The following GNA14 variants were observed in gnomAD, a reference collection of about 807,000 sequenced individuals.
The protein encoded by GNA14 is G protein subunit alpha 14.
GNA14 carries 50 observed loss-of-function variants against 42.0 expected under a neutral mutation model. That is an observed-to-expected ratio of 1.19 (90% CI 0.95 to 1.51). The LOEUF (loss-of-function observed/expected upper bound fraction) is 1.51, where lower values mean the gene tolerates loss of function less well. GNA14 is among the 40% of genes most tolerant of loss of function. The pLI, the probability that GNA14 is intolerant of heterozygous loss-of-function variation, is 0.00. For missense variants in GNA14, 473 were observed against 446.2 expected (o/e 1.06, Z -0.54); for synonymous variants, 173 against 163.1 (o/e 1.06, Z -0.46).
In GNA14 at chr9:77,495,851, C is replaced by T. The variant is rs533853789; in HGVS notation, c.309+33218G>A. Among the ~76,000 whole-genome samples the T allele has an allele frequency of 3.9e-5, 6 of 152,248 alleles. No homozygotes were observed. The South Asian group carries it at 1.2e-3, about 32-fold the overall frequency. ...TTAAAAACAAGTTGTTCTGAGCTAA[C>T]CTAGCCAAACACTAAAGAAAGGCTA... On this transcript the variant is annotated intron_variant, in intron 2 of 6. Transcript: ENST00000341700.
chr9:77,448,268 A>T (rs1254817757), intron 2 of GNA14, among the ~76,000 whole-genome samples: 3 of 152,222 alleles, frequency 2.0e-5, no homozygotes, highest in African/African-American at 7.2e-5. Context: ...TCCCCAACTC[A>T]TGATGGTTTG....
At chr9:77,544,931 G>A (rs2131778224) in intron 1 of GNA14, among the ~76,000 whole-genome samples, 1 of 152,280 alleles carries the variant, frequency 6.6e-6, no homozygotes, top group East Asian at 1.9e-4. Flanking sequence ...AGTATGAGAA[G>A]TAATCTAACA....
intron 1 of GNA14, among the ~76,000 whole-genome samples, chr9:77,622,457 C>A (rs145287534): frequency 6.6e-6 from 1 of 152,216 alleles, no homozygotes; most frequent in East Asian, 1.9e-4. Context: ...AATTGAATCA[C>A]TAAATTAGAT....
chr9:77,559,149 C>A (rs544192206), intron 1 of GNA14, among the ~76,000 whole-genome samples: 1 of 152,188 alleles, frequency 6.6e-6, no homozygotes, highest in East Asian at 1.9e-4. Context: ...TGTGACACCA[C>A]AAATTTCTTA....
chr9:77,601,168 G>C (rs565448994), intron 1 of GNA14, among the ~76,000 whole-genome samples: 2 of 152,114 alleles, frequency 1.3e-5, no homozygotes, highest in Admixed American at 6.5e-5. Context: ...TTGCTGAGAC[G>C]TTTTTTTGTT....
intron 2 of GNA14, among the ~76,000 whole-genome samples, chr9:77,514,854 C>G (rs1837226495): frequency 6.6e-6 from 1 of 152,128 alleles, no homozygotes; most frequent in Non-Finnish European, 1.5e-5. Context: ...TCCTTGTGAT[C>G]CGCCCACCTC....
chr9:77,564,487 A>C (rs1822936157), intron 1 of GNA14, among the ~76,000 whole-genome samples: 2 of 152,070 alleles, frequency 1.3e-5, no homozygotes. Context: ...TTTTAAAAGC[A>C]TTTATTATAC....
chr9:77,601,048 G>A (rs1663112), intron 1 of GNA14, among the ~76,000 whole-genome samples: 1 of 152,088 alleles, frequency 6.6e-6, no homozygotes, highest in African/African-American at 2.4e-5. Context: ...GTGGAGCTAC[G>A]GGAAGTTCGC....
At chr9:77,466,489 T>A (rs888504791) in intron 2 of GNA14, among the ~76,000 whole-genome samples, 2 of 152,232 alleles carry the variant, frequency 1.3e-5, no homozygotes, top group Non-Finnish European at 2.9e-5. Flanking sequence ...ATGTATTCAG[T>A]CATTGTTGTC....
chr9:77,573,598 T>C (rs1823090859), intron 1 of GNA14, among the ~76,000 whole-genome samples: 1 of 152,130 alleles, frequency 6.6e-6, no homozygotes, highest in Non-Finnish European at 1.5e-5. Context: ...CATGATGGTG[T>C]GACAGTGGAA....
chr9:77,602,797 T>G (rs145893799), intron 1 of GNA14, among the ~76,000 whole-genome samples: 26 of 152,338 alleles, frequency 1.7e-4, no homozygotes, highest in African/African-American at 6.3e-4. Flanking sequence ...ATGTGATCTG[T>G]GCAATTGCAC....
intron 4 of GNA14, among the ~76,000 whole-genome samples, chr9:77,429,879 G>A (rs982408742): frequency 7.2e-5 from 11 of 152,030 alleles, no homozygotes; most frequent in African/African-American, 2.7e-4. Context: ...AATACATAAT[G>A]GACCAGATAC....
At chr9:77,501,553 T>A (rs1474886156) in intron 2 of GNA14, among the ~76,000 whole-genome samples, 1 of 152,166 alleles carries the variant, frequency 6.6e-6, no homozygotes, top group African/African-American at 2.4e-5. Flanking sequence ...TTGGATCAGT[T>A]TTTTATAACT....
chr9:77,447,406 G>T (rs957178177), intron 2 of GNA14, among the ~76,000 whole-genome samples: 3 of 152,076 alleles, frequency 2.0e-5, no homozygotes, highest in Non-Finnish European at 4.4e-5. Context: ...AGACCTCCTC[G>T]TTCCTCTCTT....
At chr9:77,524,663 T>C (rs1249335428) in intron 2 of GNA14, among the ~76,000 whole-genome samples, 1 of 152,240 alleles carries the variant, frequency 6.6e-6, no homozygotes, top group Non-Finnish European at 1.5e-5. Flanking sequence ...GTTTATCATT[T>C]TATGACCTAA....
At chr9:77,471,098 A>C (rs1836322114) in intron 2 of GNA14, among the ~76,000 whole-genome samples, 1 of 152,192 alleles carries the variant, frequency 6.6e-6, no homozygotes, top group Non-Finnish European at 1.5e-5. Context: ...TGGGCGTTCA[A>C]AACTGGAGGG....
chr9:77,428,722 A>G (rs1389270336), intron 5 of GNA14, among the ~76,000 whole-genome samples, 185 bp downstream of exon 5: 1 of 152,222 alleles, frequency 6.6e-6, no homozygotes, highest in African/African-American at 2.4e-5. Flanking sequence ...GGGTTGATTC[A>G]GTAAGACTGC....
intron 2 of GNA14, among the ~76,000 whole-genome samples, chr9:77,504,871 T>C (rs950100522): frequency 6.6e-6 from 1 of 152,002 alleles, no homozygotes. Context: ...TTTCATCACG[T>C]TGGGCAGGAT....
rs183635830 is a variant in GNA14 at position 77,548,153 on chromosome 9, G to A, written c.125-18900C>T. Among the ~76,000 whole-genome samples the A allele has an allele frequency of 1.4e-3, 218 of 152,268 alleles. 1 individual carries two copies. The highest frequency in any genetic ancestry group is 4.3e-3 in the African/African-American group (178 of 41,568). On this transcript the variant is annotated intron_variant, in intron 1 of 6. Transcript: ENST00000341700. ...AAACCCAGGAAACACATCCTCTCAC[G>A]GAGCTGCTGAGAGGGACTCTGCTCC...
Sources: allele counts gnomAD v4.1 joint callset (sites outside exome capture counted in the v4.1 genomes callset), GRCh38; gene constraint gnomAD v4.1.1; transcripts MANE v1.5; gene names NCBI Gene and HGNC (gene_info 2026-07-23, HGNC 2026-07-21).